The following LIPA variants were observed in gnomAD, a reference collection of about 807,000 sequenced individuals.
LIPA encodes lysosomal acid lipase/cholesteryl ester hydrolase.
In LIPA, 26 loss-of-function variants were observed where a neutral mutation model predicts 40.6. The ratio of observed to expected loss-of-function variants is 0.64; its 90% confidence interval spans 0.47 to 0.89. The LOEUF (loss-of-function observed/expected upper bound fraction) is 0.89. Ranked by LOEUF, LIPA falls within the 40% of genes least tolerant of loss-of-function variation. LIPA has a pLI of 0.00. For synonymous variants in LIPA, 188 were observed against 168.4 expected, an observed-to-expected ratio of 1.12 and a Z score of -0.90; for missense variants, 455 against 479.6, an observed-to-expected ratio of 0.95 and a Z score of 0.48.
chr10:89,381,228 C>A (rs1218377161), intron 2 of LIPA, among the ~76,000 whole-genome samples: 1 of 152,120 alleles, frequency 6.6e-6, no homozygotes. Context: ...ATTATTTTCC[C>A]TGGGTAGTGT....
chr10:89,330,139 A>T (rs1395842969), intron 1 of LIPA, among the ~76,000 whole-genome samples: 1 of 152,222 alleles, frequency 6.6e-6, no homozygotes, highest in Non-Finnish European at 1.5e-5. Flanking sequence ...CATGCAGGTC[A>T]CAGGATATGA....
intron 2 of LIPA, among the ~76,000 whole-genome samples, chr10:89,406,798 C>T (rs10887955): frequency 0.036 from 5,476 of 152,220 alleles, 147 homozygotes; most frequent in South Asian, 0.13. Flanking sequence ...TTGAAGTCAG[C>T]GAGACCAAGA....
intron 1 of LIPA, among the ~76,000 whole-genome samples, chr10:89,287,292 C>G (rs563905582): frequency 6.6e-5 from 10 of 152,322 alleles, no homozygotes; most frequent in South Asian, 2.1e-4. Context: ...CTCTGCATTA[C>G]CTTCTTTTCA....
intron 2 of LIPA, chr10:89,403,483 T>G: frequency 6.2e-7 from 1 of 1,612,102 alleles, no homozygotes; most frequent in Non-Finnish European, 8.5e-7. Context: ...ATCCATTATT[T>G]AAAAGCTATA....
chr10:89,363,994 C>T (rs970705734), intron 2 of LIPA, among the ~76,000 whole-genome samples: 11 of 152,282 alleles, frequency 7.2e-5, no homozygotes, highest in East Asian at 3.9e-4. Flanking sequence ...CAGCCTGAGA[C>T]GGGCTACTGG....
chr10:89,386,332 T>C (rs1458250974), intron 2 of LIPA, among the ~76,000 whole-genome samples: 1 of 151,878 alleles, frequency 6.6e-6, no homozygotes, highest in Non-Finnish European at 1.5e-5. Context: ...TTTGGGAGAG[T>C]GGGGAGGCAG....
chr10:89,386,321 A>G (rs1323092395), intron 2 of LIPA, among the ~76,000 whole-genome samples: 2 of 152,112 alleles, frequency 1.3e-5, no homozygotes, highest in Non-Finnish European at 2.9e-5. Flanking sequence ...AATGATGGAG[A>G]TTTGGGAGAG....
chr10:89,387,045 C>T (rs756109894), intron 2 of LIPA, among the ~76,000 whole-genome samples: 1 of 151,654 alleles, frequency 6.6e-6, no homozygotes, highest in Non-Finnish European at 1.5e-5. Context: ...GGCTGGGCGC[C>T]GTGGCTCACG....
chr10:89,222,104 T>C (rs1179670859), intron 8 of LIPA, among the ~76,000 whole-genome samples: 3 of 152,170 alleles, frequency 2.0e-5, no homozygotes, highest in Non-Finnish European at 4.4e-5. Flanking sequence ...CAGCGGTTTC[T>C]ATCTCCAAAA....
At chr10:89,273,600 T>G (rs1843276341) in intron 1 of LIPA, among the ~76,000 whole-genome samples, 1 of 152,196 alleles carries the variant, frequency 6.6e-6, no homozygotes, top group Non-Finnish European at 1.5e-5. Flanking sequence ...ATTGGGGAGC[T>G]GTGAGGAGCC....
chr10:89,359,351 C>T (rs996135679), intron 2 of LIPA, among the ~76,000 whole-genome samples: 21 of 152,160 alleles, frequency 1.4e-4, no homozygotes, highest in Admixed American at 1.3e-3. Flanking sequence ...AAAATAAATG[C>T]CCTGTAGGGC....
chr10:89,388,368 A>G (rs1018382810), intron 2 of LIPA, among the ~76,000 whole-genome samples: 1 of 152,202 alleles, frequency 6.6e-6, no homozygotes, highest in Non-Finnish European at 1.5e-5. Context: ...GGCCTCCCAC[A>G]GTGCTGGGAT....
intron 1 of LIPA, chr10:89,327,819 T>C (rs1371215542): frequency 2.0e-6 from 1 of 509,188 alleles, no homozygotes; most frequent in Non-Finnish European, 3.5e-6. Context: ...GGCTCAGCCA[T>C]TGCAGGTCTC....
intron 2 of LIPA, among the ~76,000 whole-genome samples, chr10:89,373,511 G>A (rs1453310357): frequency 6.6e-6 from 1 of 152,058 alleles, no homozygotes; most frequent in African/African-American, 2.4e-5. Context: ...ATTGGTGCAA[G>A]TTTGCAAACA....
chr10:89,376,777 T>C (rs538496899), intron 2 of LIPA, among the ~76,000 whole-genome samples: 98 of 152,312 alleles, frequency 6.4e-4, no homozygotes, highest in Non-Finnish European at 9.6e-4. Flanking sequence ...AGACACAATT[T>C]AAGATACCCA....
chr10:89,378,040 T>C lies in LIPA; in HGVS notation c.61+34751A>G, dbSNP rs1216425605. The stretch of plus-strand genomic sequence containing the variant: ...TACCTCCCATATATAAGCACCATGC[T>C]TATCTGAGAAGCCCTAGAACTCTGT... On this transcript the variant is annotated intron_variant, in intron 2 of 8. Transcript: ENST00000371837. The C allele has an allele frequency of 7.4e-6, 10 of 1,349,132 alleles. No homozygotes were observed. The African/African-American group carries it at 1.3e-4, about 18-fold the overall frequency. The allele number at this position is 1,349,132 out of a possible 1,614,324, so 83.6% of individuals were successfully genotyped here.
chr10:89,228,416 T>C lies in LIPA; in HGVS notation c.230-18A>G. 6.2e-7 allele frequency: 1 copy of C among 1,608,688 alleles called. No homozygotes were observed. On this transcript the variant is annotated intron_variant, in intron 3 of 9. Coordinates refer to ENST00000336233, the MANE Select transcript of LIPA (RefSeq NM_000235.4). ...TTTGGGACCTGAAAAACATTCATTGTTTAGGAGGCAGTAGCACCAAGCTTC... is the reference window on the plus strand; with the variant it reads ...TTTGGGACCTGAAAAACATTCATTGCTTAGGAGGCAGTAGCACCAAGCTTC...
At chr10:89,341,253 G>T (rs995598208) in intron 1 of LIPA, among the ~76,000 whole-genome samples, 2 of 152,204 alleles carry the variant, frequency 1.3e-5, no homozygotes, top group Non-Finnish European at 2.9e-5. Flanking sequence ...AGGAATATCT[G>T]GGCAAATGCC....
intron 2 of LIPA, among the ~76,000 whole-genome samples, chr10:89,350,078 G>A (rs193086222): frequency 1.3e-5 from 2 of 152,070 alleles, no homozygotes; most frequent in Non-Finnish European, 2.9e-5. Flanking sequence ...ACCCCTCAAA[G>A]TTCAAAGTTC....
Sources: gnomAD v4.1 joint callset for allele counts (sites outside exome capture counted in the v4.1 genomes callset) on GRCh38, gnomAD v4.1.1 for gene constraint, MANE v1.5 for transcripts, NCBI Gene and HGNC (gene_info 2026-07-23, HGNC 2026-07-21) for gene names.